The following NUP35 variants were observed in gnomAD, a reference collection of about 807,000 sequenced individuals.
The protein encoded by NUP35 is nucleoporin 35.
In NUP35, 25 loss-of-function variants were observed where a neutral mutation model predicts 41.5. The ratio of observed to expected loss-of-function variants is 0.60; its 90% CI spans 0.44 to 0.84. NUP35 has a LOEUF of 0.84. NUP35 is among the 40% of genes least tolerant of loss of function. NUP35 has a pLI of 0.00. For synonymous variants in NUP35, 149 were observed against 130.7 expected (o/e 1.14, Z -0.96); for missense variants, 396 against 396.6 (o/e 1.00, Z 0.01).
chr2:183,160,926 C>A, intron 8 of NUP35, 128 bp from the exon 9 acceptor site: 1 of 659,712 alleles, frequency 1.5e-6, no homozygotes, highest in Admixed American at 2.6e-5. Context: ...ACTAAAAATA[C>A]AAAAATTTAC....
chr2:183,147,799 A>G (rs937418392), intron 4 of NUP35, among the ~76,000 whole-genome samples: 7 of 152,166 alleles, frequency 4.6e-5, no homozygotes, highest in African/African-American at 1.4e-4. Context: ...CTTCTAATCT[A>G]TGAGCGTGGA....
At chr2:183,152,761 A>C (rs2105606145) in intron 5 of NUP35, among the ~76,000 whole-genome samples, 2 of 152,308 alleles carry the variant, frequency 1.3e-5, no homozygotes, top group South Asian at 4.1e-4. Flanking sequence ...AGGCAGATTA[A>C]GTGATTTATT....
At chr2:183,159,741 A>C in intron 8 of NUP35, 89 bp downstream of exon 8, 3 of 1,048,268 alleles carry the variant, frequency 2.9e-6, no homozygotes, top group Admixed American at 2.4e-5. Context: ...TTTGTATGCC[A>C]TTAAATGTTT....
intron 4 of NUP35, among the ~76,000 whole-genome samples, chr2:183,142,822 C>T (rs919400482): frequency 4.0e-5 from 6 of 151,356 alleles, no homozygotes; most frequent in Admixed American, 2.0e-4. Flanking sequence ...TTCCAGGAAC[C>T]TTTTTGTTGT....
chr2:183,151,419 A>G (rs1337428087), intron 4 of NUP35, 89 bp from the exon 5 acceptor site: 2 of 1,273,738 alleles, frequency 1.6e-6, no homozygotes, highest in Admixed American at 4.2e-5. Context: ...CAACTTTATT[A>G]GACTTTATCA....
chr2:183,131,447 GA>G (rs1684692978), intron 3 of NUP35: 1 of 152,294 alleles, frequency 6.6e-6, no homozygotes, highest in African/African-American at 2.4e-5. Flanking sequence ...GAGAGTTCAA[GA>G]ATATTAGAAA....
At chr2:183,124,363 C>T, upstream of NUP35, 1 of 1,610,452 alleles carries the variant, frequency 6.2e-7, no homozygotes, top group East Asian at 2.2e-5. Flanking sequence ...TTACGCAACC[C>T]CATAAGGTAG....
At chr2:183,144,673 C>T (rs1435451828) in intron 4 of NUP35, among the ~76,000 whole-genome samples, 5 of 152,096 alleles carry the variant, frequency 3.3e-5, no homozygotes, top group South Asian at 4.2e-4. Context: ...CATTGCAGTC[C>T]GATTTGATGT....
At chr2:183,145,510 A>G (rs1422959605) in intron 4 of NUP35, among the ~76,000 whole-genome samples, 1 of 152,202 alleles carries the variant, frequency 6.6e-6, no homozygotes, top group Non-Finnish European at 1.5e-5. Context: ...AAATTGTTAA[A>G]TGTATTATAG....
intron 4 of NUP35, among the ~76,000 whole-genome samples, chr2:183,143,579 CAT>C (rs961810256): frequency 1.3e-5 from 2 of 152,178 alleles, no homozygotes; most frequent in African/African-American, 4.8e-5. Flanking sequence ...CTGTCAGACT[CAT>C]TGAGTTTTGA....
chr2:183,128,188 A>C (rs1684565571), intron 1 of NUP35, 99 bp from the exon 2 acceptor site: 2 of 954,432 alleles, frequency 2.1e-6, no homozygotes, highest in Non-Finnish European at 1.4e-6. Context: ...GTTTTGATTA[A>C]ATTTGCAAAA....
At chr2:183,155,277 A>G (rs1224265085) in intron 5 of NUP35, among the ~76,000 whole-genome samples, 4 of 152,226 alleles carry the variant, frequency 2.6e-5, no homozygotes, top group African/African-American at 9.7e-5. Flanking sequence ...TTATGTATTC[A>G]ATTTATTTAA....
At chr2:183,131,767 A>G (rs2705726) in intron 3 of NUP35, among the ~76,000 whole-genome samples, 18,044 of 152,146 alleles carry the variant, frequency 0.12, 1,277 homozygotes, top group Non-Finnish European at 0.16. Context: ...AATGTTTTGG[A>G]TGTGTTTGGC....
At chr2:183,119,322 A>C (rs1387905267) in intron 1 of NUP35, among the ~76,000 whole-genome samples, 1 of 152,202 alleles carries the variant, frequency 6.6e-6, no homozygotes, top group African/African-American at 2.4e-5. Flanking sequence ...AAAATAATGG[A>C]AATACAAAAT....
chr2:183,138,269 A>ATATATATTTTTTT, intron 4 of NUP35, among the ~76,000 whole-genome samples: 824 of 80,408 alleles, frequency 0.01, 5 homozygotes, highest in African/African-American at 0.016. Context: ...ATATATATAT[A>ATATATATTTTTTT]TTTTTTTTTT....
At chr2:183,132,426 T>C (rs1575116446) in intron 3 of NUP35, among the ~76,000 whole-genome samples, 2 of 149,094 alleles carry the variant, frequency 1.3e-5, no homozygotes, top group African/African-American at 2.5e-5. Flanking sequence ...GATGTGGTGG[T>C]GTGTACCTAT....
chr2:183,124,718 G>A (rs1700125078), intron 1 of NUP35, among the ~76,000 whole-genome samples: 1 of 152,186 alleles, frequency 6.6e-6, no homozygotes, highest in Non-Finnish European at 1.5e-5. Flanking sequence ...CTGGGAGGGT[G>A]AAGAAAAGGC....
At chr2:183,149,454 G>T (rs1685389497) in intron 4 of NUP35, among the ~76,000 whole-genome samples, 1 of 152,152 alleles carries the variant, frequency 6.6e-6, no homozygotes, top group Non-Finnish European at 1.5e-5. Flanking sequence ...AATCTTTTTA[G>T]TGTCTGGCTT....
upstream of NUP35, among the ~76,000 whole-genome samples, chr2:183,122,520 A>G (rs896118597): frequency 1.7e-4 from 26 of 152,334 alleles, no homozygotes; most frequent in African/African-American, 6.3e-4. Flanking sequence ...TTTTTTCATT[A>G]TATCTATCAC....
Sources: allele counts gnomAD v4.1 joint callset (sites outside exome capture counted in the v4.1 genomes callset), GRCh38; gene constraint gnomAD v4.1.1; transcripts MANE v1.5; gene names NCBI Gene and HGNC (gene_info 2026-07-23, HGNC 2026-07-21).